The following NUP205 variants were observed in gnomAD, a reference collection of about 807,000 sequenced individuals.
NUP205 encodes the protein nuclear pore complex protein Nup205.
A neutral mutation model predicts 253.8 loss-of-function variants in NUP205; 76 were observed. That is an observed-to-expected ratio of 0.30 (90% CI 0.25 to 0.36). The LOEUF (loss-of-function observed/expected upper bound fraction) is 0.36, where lower values mean the gene tolerates loss of function less well. Among genes scored for constraint, NUP205 ranks in the 10% least tolerant of loss-of-function variants. The pLI is 1.00. For synonymous variants in NUP205, 832 were observed against 850.1 expected (o/e 0.98, Z 0.37); for missense variants, 2,162 against 2,425.5 (o/e 0.89, Z 2.28).
At chr7:135,559,810 G>A (rs1337980815) in intron 1 of NUP205, among the ~76,000 whole-genome samples, 1 of 151,606 alleles carries the variant, frequency 6.6e-6, no homozygotes, top group African/African-American at 2.4e-5. Flanking sequence ...TCCTGCCTCA[G>A]CCTCTGAAGT....
At chr7:135,563,400 G>A (rs532458329) in intron 1 of NUP205, among the ~76,000 whole-genome samples, 2 of 152,152 alleles carry the variant, frequency 1.3e-5, no homozygotes, top group African/African-American at 4.8e-5. Flanking sequence ...TGTTGGCCAG[G>A]ACGGTCTTGA....
chr7:135,644,402 C>A (rs1794968561), intron 39 of NUP205, among the ~76,000 whole-genome samples: 2 of 152,230 alleles, frequency 1.3e-5, no homozygotes, highest in Admixed American at 1.3e-4. Flanking sequence ...TTCTGTGGAA[C>A]CCAGCATCAG....
chr7:135,648,495 A>AATC lies in NUP205; in HGVS notation c.5978_5979insATC (p.Tyr1993delinsTer). On this transcript the variant is annotated stop_gained, in exon 43 of 43. Transcript: ENST00000285968. LOFTEE classifies it high-confidence loss of function. ...TTATATTCAAAAGTTCGATCTCGAT[A>AATC]TAGTTTCATACAGGCTCTTGTCAGA... The AATC allele has an allele frequency of 1.9e-6, 3 of 1,606,968 alleles. No homozygotes were observed. The highest frequency in any genetic ancestry group is 2.5e-6 in the Non-Finnish European group (3 of 1,177,854).
chr7:135,648,604 T>C lies in NUP205; in HGVS notation c.*48T>C. 1 of 1,363,698 alleles carries C rather than the reference T, an allele frequency of 7.3e-7. No homozygotes were observed. The highest frequency in any genetic ancestry group is 1.5e-5 in the African/African-American group (1 of 66,548). The allele number at this position is 1,363,698 out of a possible 1,614,324, so 84.5% of individuals were successfully genotyped here. The stretch of plus-strand genomic sequence containing the variant: ...ATGAGAGAGATGAATTGGGGAGAAT[T>C]GTCTCCATTTTATAGATTAGTTTCT... On this transcript the variant is annotated 3_prime_UTR_variant, in exon 43 of 43. Coordinates refer to ENST00000285968, the MANE Select transcript of NUP205 (RefSeq NM_015135.3).
intron 30 of NUP205, 130 bp from the exon 31 acceptor site, chr7:135,622,647 G>GT (rs1794498150): frequency 1.3e-6 from 1 of 798,328 alleles, no homozygotes; most frequent in Non-Finnish European, 1.9e-6. Flanking sequence ...TGTACAAGCA[G>GT]TGATGGAAGG....
In NUP205 at chr7:135,573,637, C is replaced by T. The variant is rs1184609291; in HGVS notation, c.172-17C>T. 1 of 1,602,212 alleles carries T rather than the reference C, an allele frequency of 6.2e-7. No homozygotes were observed. The highest frequency in any genetic ancestry group is 8.5e-7 in the Non-Finnish European group (1 of 1,174,524). Reference sequence around the variant, plus strand: ...CAGTGTGCTATTTTCATAACAATTACAATTTTATCATTGTAGCCAAAAAAT... The same window carrying T: ...CAGTGTGCTATTTTCATAACAATTATAATTTTATCATTGTAGCCAAAAAAT... On this transcript the variant is annotated splice_polypyrimidine_tract_variant and intron_variant, in intron 2 of 42. Transcript: ENST00000285968.
In NUP205 at chr7:135,617,130, C is replaced by T; in HGVS notation, c.3573C>T (p.Phe1191=). 6.2e-7 allele frequency: 1 copy of T among 1,613,236 alleles called. No individual in the cohort carries two copies. Among genetic ancestry groups the T allele is most frequent in the South Asian group, 1.1e-5 (1 of 90,982 alleles). ...TAAATATTCTTGACTCGATTGACTT[C>T]AGTCAGGAGATCCCTGAGCCTTTGC... The part of the protein sequence containing the change: ...KILNILDSID[F]SQEIPEPLQL... Residue 1191 remains phenylalanine, a synonymous_variant, in exon 26 of 43, where the codon TTC becomes TTT. Transcript: ENST00000285968.
chr7:135,619,316 T>A, intron 28 of NUP205, 107 bp from the exon 29 acceptor site: 1 of 1,207,730 alleles, frequency 8.3e-7, no homozygotes, highest in Non-Finnish European at 1.2e-6. Flanking sequence ...CACTCCAGCC[T>A]CGGTGACAGA....
chr7:135,588,105 G>A, intron 10 of NUP205, 113 bp downstream of exon 10: 2 of 809,450 alleles, frequency 2.5e-6, no homozygotes, highest in Non-Finnish European at 3.6e-6. Flanking sequence ...GATCACTAGT[G>A]TAACCTTTAG....
rs1397769593 is a variant in NUP205 at position 135,594,653 on chromosome 7, T to C, written c.1937T>C (p.Leu646Pro). ...CSIPPVLKAELLKTLAAFGKS... is the reference protein window; with the variant it reads ...CSIPPVLKAEPLKTLAAFGKS... Reference sequence around the variant, plus strand: ...ATTCCCCCTGTCCTAAAAGCTGAGCTACTGAAGACACTCGCAGCTTTTGGA... The same window carrying C: ...ATTCCCCCTGTCCTAAAAGCTGAGCCACTGAAGACACTCGCAGCTTTTGGA... The change falls in exon 13 of 43, where the codon CTA (leucine) becomes CCA (proline). Residue 646 changes from leucine to proline, a missense_variant. Leu to Pro is a moderately conservative substitution (Grantham distance 98). Around this residue, in one of 5 missense-constraint regions of NUP205, gnomAD observed 892 missense variants for 957.1 expected, o/e 0.93. Coordinates refer to ENST00000285968, the MANE Select transcript of NUP205 (RefSeq NM_015135.3). The C allele has an allele frequency of 6.2e-7, 1 of 1,613,950 alleles. No homozygotes were observed. Among genetic ancestry groups the C allele is most frequent in the Admixed American group, 1.7e-5 (1 of 60,010 alleles).
At chr7:135,564,265 G>C (rs909829222) in intron 1 of NUP205, among the ~76,000 whole-genome samples, 1 of 87,588 alleles carries the variant, frequency 1.1e-5, no homozygotes. Context: ...TTTTTTTTTT[G>C]AGACGGAGTC....
chr7:135,570,777 ATT>A (rs1805960128), intron 1 of NUP205, among the ~76,000 whole-genome samples: 1 of 57,742 alleles, frequency 1.7e-5, no homozygotes, highest in Admixed American at 2.1e-4. Context: ...ATTAATATAT[ATT>A]AATTATATTT....
Position 135,606,875 on chromosome 7 carries a change from A to C in NUP205, c.3030A>C (p.Glu1010Asp), listed in dbSNP as rs761663828. Residue 1010 changes from glutamate to aspartate, a missense_variant, in exon 21 of 43, where the codon GAA becomes GAC. By Grantham distance (45) the Glu-to-Asp change is conservative. Around this residue, in one of 5 missense-constraint regions of NUP205, gnomAD observed 1,144 missense variants for 1,280.9 expected, o/e 0.89. Coordinates refer to ENST00000285968, the MANE Select transcript of NUP205 (RefSeq NM_015135.3). ...PNLALYLLGFELKKPVSTTNL... is the reference protein window; with the variant it reads ...PNLALYLLGFDLKKPVSTTNL... ...TTGCTCTCTACCTGTTGGGCTTTGA[A>C]TTGAAAAAACCTGTCAGTACTACAA... 1 of 1,614,106 alleles carries C rather than the reference A, an allele frequency of 6.2e-7. No homozygotes were observed. The highest frequency in any genetic ancestry group is 8.5e-7 in the Non-Finnish European group (1 of 1,179,990).
At chr7:135,598,618 G>A (rs1026091835) in intron 15 of NUP205, among the ~76,000 whole-genome samples, 1 of 152,208 alleles carries the variant, frequency 6.6e-6, no homozygotes, top group South Asian at 2.1e-4. Flanking sequence ...CTGGTTTAGC[G>A]GGAAGGAGTA....
rs201165362 is a variant in NUP205, at chr7:135,577,024, T to C, written c.544T>C (p.Leu182=). 16 of 1,614,040 alleles carry C rather than the reference T, an allele frequency of 9.9e-6. No homozygotes were observed. The highest frequency in any genetic ancestry group is 1.3e-5 in the African/African-American group (1 of 74,952). Residue 182 remains leucine, a synonymous_variant, in exon 5 of 43, where the codon TTG becomes CTG. Coordinates refer to ENST00000285968, the MANE Select transcript of NUP205 (RefSeq NM_015135.3). ...RFTDELMEQG[L]TYKVLTLVSQ... is the part of the protein sequence containing the mutation. ...TACAGATGAGCTGATGGAGCAAGGA[T>C]TGACTTATAAAGTTCTTACGCTGGT...
At chr7:135,571,674 G>A (rs900241743) in intron 2 of NUP205, among the ~76,000 whole-genome samples, 6 of 152,078 alleles carry the variant, frequency 3.9e-5, no homozygotes, top group African/African-American at 1.4e-4. Context: ...AGAATGGGGA[G>A]TCATTCATCC....
chr7:135,589,293 C>T (rs1806559540), intron 10 of NUP205, among the ~76,000 whole-genome samples: 1 of 147,428 alleles, frequency 6.8e-6, no homozygotes, highest in Non-Finnish European at 1.5e-5. Flanking sequence ...GATCAGATGC[C>T]TTTTTTTTTG....
intron 40 of NUP205, 97 bp from the exon 41 acceptor site, chr7:135,645,371 A>G (rs962698204): frequency 7.2e-6 from 9 of 1,248,536 alleles, no homozygotes; most frequent in African/African-American, 6.0e-5. Context: ...GTACCTCATT[A>G]AGTGAGTGCA....
At chr7:135,585,128 C>A in intron 8 of NUP205, 121 bp downstream of exon 8, 1 of 729,312 alleles carries the variant, frequency 1.4e-6, no homozygotes, top group Non-Finnish European at 2.2e-6. Flanking sequence ...CTAAAATTTG[C>A]CAGTAGCTGT....
Sources: gnomAD v4.1 joint callset for allele counts (sites outside exome capture counted in the v4.1 genomes callset) on GRCh38, gnomAD v4.1.1 for gene constraint, gnomAD v4.1.1 regional missense constraint, MANE v1.5 for transcripts, NCBI Gene and HGNC (gene_info 2026-07-23, HGNC 2026-07-21) for gene names.